DPYD: variants seen among roughly 807,000 people sequenced by gnomAD.
DPYD encodes dihydropyrimidine dehydrogenase [NADP(+)].
DPYD carries 109 observed loss-of-function variants against 116.2 expected under a neutral mutation model. That is an observed-to-expected ratio of 0.94 (90% CI 0.80 to 1.10). The LOEUF is 1.10. Ranked by LOEUF, DPYD falls within the 50% of genes least tolerant of loss-of-function variation. DPYD has a pLI of 0.00. For synonymous variants in DPYD, 440 were observed against 432.0 expected (o/e 1.02, Z -0.23); for missense variants, 1,302 against 1,254.5 (o/e 1.04, Z -0.57).
At chr1:97,829,642 T>C (rs1158186806) in intron 2 of DPYD, among the ~76,000 whole-genome samples, 1 of 152,182 alleles carries the variant, frequency 6.6e-6, no homozygotes, top group African/African-American at 2.4e-5. Context: ...ATGTTGTTGA[T>C]TGAGACCATT....
intron 11 of DPYD, among the ~76,000 whole-genome samples, chr1:97,553,660 T>C (rs969108293): frequency 1.3e-5 from 2 of 152,094 alleles, no homozygotes; most frequent in Non-Finnish European, 2.9e-5. Flanking sequence ...AGGATTGTAT[T>C]ATTCCTTTCT....
At chr1:97,539,764 A>G (rs1007077066) in intron 12 of DPYD, among the ~76,000 whole-genome samples, 1 of 152,192 alleles carries the variant, frequency 6.6e-6, no homozygotes, top group Non-Finnish European at 1.5e-5. Flanking sequence ...CAGGACTACC[A>G]TGACTACTGA....
At chr1:97,657,984 A>C (rs899507028) in intron 8 of DPYD, among the ~76,000 whole-genome samples, 2 of 152,152 alleles carry the variant, frequency 1.3e-5, no homozygotes, top group Admixed American at 1.3e-4. Context: ...TAGATAGTTG[A>C]AATAGACCTA....
intron 3 of DPYD, among the ~76,000 whole-genome samples, chr1:97,826,815 TCA>T (rs746600608): frequency 6.6e-6 from 1 of 152,122 alleles, no homozygotes; most frequent in Non-Finnish European, 1.5e-5. Flanking sequence ...TATTGTGTAC[TCA>T]GTTTTATTTT....
intron 20 of DPYD, among the ~76,000 whole-genome samples, chr1:97,181,731 C>T (rs1291484012): frequency 1.3e-5 from 2 of 152,084 alleles, no homozygotes; most frequent in Non-Finnish European, 2.9e-5. Context: ...CCAATATTAC[C>T]CATATATTTT....
chr1:97,876,733 A>C (rs1671940109), intron 2 of DPYD, among the ~76,000 whole-genome samples: 1 of 152,074 alleles, frequency 6.6e-6, no homozygotes. Context: ...GAAGGAAATA[A>C]TATAACTACA....
At chr1:97,209,998 T>G (rs892934169) in intron 19 of DPYD, among the ~76,000 whole-genome samples, 1 of 152,190 alleles carries the variant, frequency 6.6e-6, no homozygotes, top group Non-Finnish European at 1.5e-5. Context: ...TTGTTCTTTC[T>G]TCTGATTATG....
intron 2 of DPYD, among the ~76,000 whole-genome samples, chr1:97,853,148 G>T (rs918008870): frequency 6.6e-6 from 1 of 152,164 alleles, no homozygotes. Flanking sequence ...TATGAGGGCA[G>T]GAACTGTCCT....
chr1:97,476,989 G>T (rs931774977), intron 13 of DPYD, among the ~76,000 whole-genome samples: 5 of 152,148 alleles, frequency 3.3e-5, no homozygotes, highest in African/African-American at 1.2e-4. Flanking sequence ...CCTTCTGAGA[G>T]TCAAAACCTT....
chr1:97,112,331 C>G (rs1329505160), intron 20 of DPYD, among the ~76,000 whole-genome samples: 1 of 152,102 alleles, frequency 6.6e-6, no homozygotes, highest in Non-Finnish European at 1.5e-5. Flanking sequence ...ACTGCATACA[C>G]TGTATAAAGT....
chr1:97,708,459 A>T (rs1662107439), intron 5 of DPYD, among the ~76,000 whole-genome samples: 1 of 152,022 alleles, frequency 6.6e-6, no homozygotes, highest in Non-Finnish European at 1.5e-5. Context: ...AGTTGGCTAT[A>T]TTTACGTGTG....
chr1:97,362,273 C>G (rs1021085431), intron 16 of DPYD, among the ~76,000 whole-genome samples: 4 of 152,114 alleles, frequency 2.6e-5, no homozygotes, highest in African/African-American at 4.8e-5. Flanking sequence ...TCAAGGAGAA[C>G]TACAAACCAC....
At chr1:97,399,806 G>T (rs1453189256) in intron 14 of DPYD, among the ~76,000 whole-genome samples, 2 of 152,162 alleles carry the variant, frequency 1.3e-5, no homozygotes, top group Non-Finnish European at 2.9e-5. Context: ...TTTGTATCCT[G>T]AGACTTTGTT....
At chr1:97,711,103 C>T (rs113706676) in intron 5 of DPYD, among the ~76,000 whole-genome samples, 1 of 151,736 alleles carries the variant, frequency 6.6e-6, no homozygotes, top group African/African-American at 2.4e-5. Flanking sequence ...TTTATATCTC[C>T]AATCCTAAAA....
intron 12 of DPYD, among the ~76,000 whole-genome samples, chr1:97,525,858 A>C (rs1649025833): frequency 7.2e-6 from 1 of 138,626 alleles, no homozygotes; most frequent in East Asian, 2.2e-4. Flanking sequence ...TGCCCTGGGT[A>C]ATTAAGAGTG....
chr1:97,774,888 G>A, intron 3 of DPYD: 3 of 243,154 alleles, frequency 1.2e-5, no homozygotes, highest in Middle Eastern at 5.5e-4. Context: ...AACATACAAG[G>A]GAAAAACCTT....
intron 20 of DPYD, among the ~76,000 whole-genome samples, chr1:97,162,835 C>T (rs1041309899): frequency 2.0e-4 from 30 of 151,696 alleles, no homozygotes; most frequent in African/African-American, 6.8e-4. Context: ...CACATATCTA[C>T]AACTATCTGA....
At chr1:97,552,280 C>A (rs1040579268) in intron 11 of DPYD, among the ~76,000 whole-genome samples, 1 of 152,084 alleles carries the variant, frequency 6.6e-6, no homozygotes, top group Non-Finnish European at 1.5e-5. Flanking sequence ...ACAGGAGGTG[C>A]TGAATAAATG....
intron 8 of DPYD, among the ~76,000 whole-genome samples, chr1:97,615,115 C>A (rs986951386): frequency 1.3e-5 from 2 of 152,200 alleles, no homozygotes; most frequent in Middle Eastern, 3.4e-3. Flanking sequence ...AGGTCTCTAA[C>A]CATGAGTAAG....
Sources: gnomAD v4.1 joint callset for allele counts (sites outside exome capture counted in the v4.1 genomes callset) on GRCh38, gnomAD v4.1.1 for gene constraint, MANE v1.5 for transcripts, NCBI Gene and HGNC (gene_info 2026-07-23, HGNC 2026-07-21) for gene names.